The following RAB27B variants were observed in gnomAD, a reference collection of about 807,000 sequenced individuals.
RAB27B encodes RAB27B, member RAS oncogene family, also known as ras-related protein Rab-27B.
Under a neutral mutation model 24.6 loss-of-function variants are expected in RAB27B, and 15 were observed. The observed-to-expected ratio is 0.61, with a 90% CI of 0.41 to 0.94. The LOEUF (loss-of-function observed/expected upper bound fraction) is 0.94. Among genes scored for constraint, RAB27B ranks in the 40% least tolerant of loss-of-function variants. RAB27B has a pLI of 0.00. For synonymous variants in RAB27B, 105 were observed against 92.5 expected (o/e 1.14, Z -0.78); for missense variants, 261 against 266.8 (o/e 0.98, Z 0.15).
chr18:54,789,828 T>C (rs1204832239), intron 2 of RAB27B, among the ~76,000 whole-genome samples: 1 of 152,152 alleles, frequency 6.6e-6, no homozygotes. Flanking sequence ...AGCAATCTGT[T>C]ACTAGGACTT....
At position 54,722,697 on chromosome 18, in the gene RAB27B, C is replaced by A. The variant is rs548645378; in HGVS notation, c.-20+4556C>A. 3.3e-5 allele frequency among the ~76,000 whole-genome samples: 5 copies of A among 152,272 alleles called. No homozygotes were observed. In the East Asian group the frequency reaches 9.6e-4, roughly 29 times the overall value. Reference sequence around the variant, plus strand: ...GCTTGGGGTTTTGTCATCTCATAGGCGTGCAGCCATGAAATACATACCTGC... The same window carrying A: ...GCTTGGGGTTTTGTCATCTCATAGGAGTGCAGCCATGAAATACATACCTGC... On this transcript the variant is annotated intron_variant, in intron 2 of 4. Coordinates refer to the RAB27B transcript ENST00000586570.
intron 1 of RAB27B, among the ~76,000 whole-genome samples, chr18:54,872,252 C>T (rs940763201): frequency 3.9e-5 from 6 of 152,158 alleles, no homozygotes; most frequent in Non-Finnish European, 8.8e-5. Context: ...TGCCTTTTCT[C>T]ATGTTGTTTG....
intron 1 of RAB27B, among the ~76,000 whole-genome samples, chr18:54,868,434 A>G (rs1312167435): frequency 6.6e-6 from 1 of 152,176 alleles, no homozygotes; most frequent in Non-Finnish European, 1.5e-5. Flanking sequence ...CCGTGAGTGA[A>G]TTAAACCTTT....
intron 2 of RAB27B, among the ~76,000 whole-genome samples, chr18:54,821,538 C>G (rs1276967242): frequency 6.6e-6 from 1 of 152,084 alleles, no homozygotes; most frequent in African/African-American, 2.4e-5. Context: ...ACTTTCTTCA[C>G]AGAACTGGAA....
chr18:54,783,724 C>G (rs924792183), intron 2 of RAB27B, among the ~76,000 whole-genome samples: 4 of 152,186 alleles, frequency 2.6e-5, no homozygotes, highest in African/African-American at 9.7e-5. Context: ...TTGCTCCTCT[C>G]TTGTCCCTGC....
rs957352904 is a variant in RAB27B, at chr18:54,865,639, A to G, written c.-19-11928A>G. 6.6e-5 allele frequency among the ~76,000 whole-genome samples: 10 copies of G among 152,288 alleles called. No homozygotes were observed. The South Asian group carries it at 2.1e-3, about 32-fold the overall frequency. On this transcript the variant is annotated intron_variant, in intron 1 of 5. Transcript: ENST00000262094. ...ATATGAAGCAGAAGTTCTTTGATCC[A>G]TTTGCTATTTGATTTTAAGACAAGT...
At chr18:54,762,061 A>G (rs1157681044) in intron 2 of RAB27B, among the ~76,000 whole-genome samples, 2 of 152,216 alleles carry the variant, frequency 1.3e-5, no homozygotes, top group African/African-American at 4.8e-5. Flanking sequence ...AGAGACAGAG[A>G]TTGGAGTAAT....
intron 3 of RAB27B, among the ~76,000 whole-genome samples, chr18:54,882,856 C>T (rs183009698): frequency 7.6e-4 from 115 of 152,104 alleles, no homozygotes; most frequent in African/African-American, 2.6e-3. Flanking sequence ...ATTAAAATGT[C>T]GTTAGTAGAG....
intron 2 of RAB27B, among the ~76,000 whole-genome samples, chr18:54,729,481 T>G (rs995145649): frequency 6.6e-6 from 1 of 152,170 alleles, no homozygotes; most frequent in African/African-American, 2.4e-5. Context: ...AGATAAAATT[T>G]GAATGAGTTT....
At chr18:54,748,008 G>A (rs35022393) in intron 2 of RAB27B, among the ~76,000 whole-genome samples, 9,620 of 152,002 alleles carry the variant, frequency 0.063, 389 homozygotes, top group African/African-American at 0.09. Flanking sequence ...TGGGAGGCTA[G>A]GGTGGGAGGA....
chr18:54,742,680 C>T (rs1910104394), intron 2 of RAB27B, among the ~76,000 whole-genome samples: 1 of 152,074 alleles, frequency 6.6e-6, no homozygotes, highest in Non-Finnish European at 1.5e-5. Flanking sequence ...GTCTGGCTTC[C>T]AGATTTTCTA....
intron 2 of RAB27B, among the ~76,000 whole-genome samples, chr18:54,743,078 A>G (rs1910117956): frequency 6.6e-6 from 1 of 152,074 alleles, no homozygotes; most frequent in Non-Finnish European, 1.5e-5. Context: ...ACATAATCTC[A>G]AGCATTCTTG....
In RAB27B at chr18:54,743,184, C is replaced by T. The variant is rs144140778; in HGVS notation, c.-20+25043C>T. On this transcript the variant is annotated intron_variant, in intron 2 of 4. Transcript: ENST00000586570. ...CTCATTCAGCTATTGTGCTATTTAG[C>T]TTTTACATACTGTAGTTTTCAACAT... Among the ~76,000 whole-genome samples, 386 of 152,264 alleles carry T rather than the reference C, an allele frequency of 2.5e-3. 4 individuals carry two copies. In the South Asian group the frequency reaches 0.028, roughly 11 times the overall value.
At chr18:54,783,907 A>G (rs1908999099) in intron 2 of RAB27B, among the ~76,000 whole-genome samples, 1 of 152,218 alleles carries the variant, frequency 6.6e-6, no homozygotes, top group Admixed American at 6.5e-5. Flanking sequence ...ACATTGGGCC[A>G]CTTGGATTGT....
intron 2 of RAB27B, among the ~76,000 whole-genome samples, chr18:54,729,295 G>A (rs760162647): frequency 2.6e-5 from 4 of 152,100 alleles, no homozygotes; most frequent in Non-Finnish European, 5.9e-5. Flanking sequence ...TAAGAATTTC[G>A]AGATAAGAGA....
chr18:54,832,608 A>C (rs1306303227), intron 1 of RAB27B, among the ~76,000 whole-genome samples: 1 of 152,126 alleles, frequency 6.6e-6, no homozygotes, highest in Non-Finnish European at 1.5e-5. Flanking sequence ...TACAGAGAAA[A>C]AATTGGGGCT....
intron 2 of RAB27B, among the ~76,000 whole-genome samples, chr18:54,794,284 G>T (rs774381611): frequency 4.3e-4 from 65 of 152,188 alleles, no homozygotes; most frequent in Admixed American, 1.7e-3. Flanking sequence ...AGTCTTCTTA[G>T]AACTCTCTAT....
chr18:54,837,345 G>A (rs1036810748), intron 1 of RAB27B, among the ~76,000 whole-genome samples: 1 of 152,042 alleles, frequency 6.6e-6, no homozygotes, highest in Admixed American at 6.6e-5. Flanking sequence ...AGACATTGGG[G>A]GAAAGGAGAA....
At chr18:54,822,764 GTTT>G (rs751496421) in intron 2 of RAB27B, among the ~76,000 whole-genome samples, 2 of 151,844 alleles carry the variant, frequency 1.3e-5, no homozygotes, top group African/African-American at 4.8e-5. Flanking sequence ...CTGCTTATAG[GTTT>G]TTTTAATAAA....
Sources: gnomAD v4.1 joint callset for allele counts (sites outside exome capture counted in the v4.1 genomes callset) on GRCh38, gnomAD v4.1.1 for gene constraint, MANE v1.5 for transcripts, NCBI Gene and HGNC (gene_info 2026-07-23, HGNC 2026-07-21) for gene names.